GPR137C: variants seen among roughly 807,000 people sequenced by gnomAD.
The protein encoded by GPR137C is G protein-coupled receptor 137C.
In GPR137C, 27 loss-of-function variants were observed where a neutral mutation model predicts 43.4. The ratio of observed to expected loss-of-function variants is 0.62; its 90% CI spans 0.46 to 0.86. GPR137C has a LOEUF of 0.86. Ranked by LOEUF, GPR137C falls within the 40% of genes least tolerant of loss-of-function variation. The pLI is 0.00. For missense variants in GPR137C, 522 were observed against 534.6 expected, an observed-to-expected ratio of 0.98 and a Z score of 0.23; for synonymous variants, 285 against 226.9, an observed-to-expected ratio of 1.26 and a Z score of -2.30.
At chr14:52,618,129 A>T (rs2039120607) in intron 3 of GPR137C, among the ~76,000 whole-genome samples, 1 of 152,132 alleles carries the variant, frequency 6.6e-6, no homozygotes, top group Non-Finnish European at 1.5e-5. Flanking sequence ...GAAGAACAGG[A>T]TTCCCCTTTT....
At chr14:52,555,538 G>A (rs376190403) in intron 1 of GPR137C, among the ~76,000 whole-genome samples, 7 of 152,290 alleles carry the variant, frequency 4.6e-5, no homozygotes, top group African/African-American at 1.4e-4. Flanking sequence ...CTGAAGGTAT[G>A]CTTATATAGC....
chr14:52,588,735 G>A (rs568881652), intron 1 of GPR137C, among the ~76,000 whole-genome samples: 1 of 151,936 alleles, frequency 6.6e-6, no homozygotes, highest in Admixed American at 6.6e-5. Context: ...ATACTTTATT[G>A]GAATGATTGG....
chr14:52,572,633 C>T (rs936015526), intron 1 of GPR137C, among the ~76,000 whole-genome samples: 1 of 152,170 alleles, frequency 6.6e-6, no homozygotes, highest in African/African-American at 2.4e-5. Context: ...AAACCCACAG[C>T]CAATATCATA....
At chr14:52,623,755 ACTGT>A (rs1458754762) in intron 3 of GPR137C, among the ~76,000 whole-genome samples, 1 of 152,146 alleles carries the variant, frequency 6.6e-6, no homozygotes, top group African/African-American at 2.4e-5. Flanking sequence ...GAGTCAGAGA[ACTGT>A]CTATCACTTT....
At chr14:52,609,280 A>G (rs150047471) in intron 3 of GPR137C, among the ~76,000 whole-genome samples, 71 of 152,148 alleles carry the variant, frequency 4.7e-4, no homozygotes, top group Non-Finnish European at 9.0e-4. Flanking sequence ...TTCAATCTCT[A>G]TATTAAATTT....
At chr14:52,579,617 T>C (rs955748517) in intron 1 of GPR137C, among the ~76,000 whole-genome samples, 1 of 152,196 alleles carries the variant, frequency 6.6e-6, no homozygotes, top group African/African-American at 2.4e-5. Flanking sequence ...ATTGTTAAAC[T>C]CATGGTTACA....
At chr14:52,618,746 A>T (rs571910806) in intron 3 of GPR137C, among the ~76,000 whole-genome samples, 1 of 152,346 alleles carries the variant, frequency 6.6e-6, no homozygotes, top group South Asian at 2.1e-4. Flanking sequence ...AAGAACAGTT[A>T]TAAGAATATA....
Position 52,633,899 on chromosome 14 carries a change from T to C in GPR137C, c.1065T>C (p.Tyr355=), listed in dbSNP as rs1031227292. ...RAYFFDNPRR[Y]DSDDDLPRLG... ...ACTTTTTCGACAATCCAAGACGATA[T>C]GATAGTGATGATGACCTGCCAAGAC... is the stretch of plus-strand genomic sequence containing the variant. The change falls in exon 6 of 7, where the codon TAT becomes TAC. Residue 355 remains tyrosine, a synonymous_variant. Transcript: ENST00000321662. 6 of 1,612,250 alleles carry C rather than the reference T, an allele frequency of 3.7e-6. No homozygotes were observed. In the South Asian group the frequency reaches 4.4e-5, roughly 12 times the overall value.
intron 3 of GPR137C, among the ~76,000 whole-genome samples, chr14:52,622,677 GA>G (rs1231915877): frequency 6.6e-6 from 1 of 151,856 alleles, no homozygotes; most frequent in South Asian, 2.1e-4. Context: ...GGTGTTCTAT[GA>G]AAAAAAGTGG....
chr14:52,611,544 TA>T (rs2139550211), intron 3 of GPR137C: 5 of 383,720 alleles, frequency 1.3e-5, no homozygotes, highest in Non-Finnish European at 1.8e-5. Context: ...GTTATTTTTT[TA>T]ATTTTGGTAT....
chr14:52,610,608 T>C (rs1005238704), intron 3 of GPR137C, among the ~76,000 whole-genome samples: 1 of 152,254 alleles, frequency 6.6e-6, no homozygotes, highest in Non-Finnish European at 1.5e-5. Flanking sequence ...ATATCGGGTT[T>C]GGTACTATCC....
chr14:52,632,868 T>G (rs1049818863), intron 4 of GPR137C, among the ~76,000 whole-genome samples: 2 of 152,120 alleles, frequency 1.3e-5, no homozygotes, highest in Non-Finnish European at 2.9e-5. Context: ...TTCCTAGCAT[T>G]CCCATATGCT....
chr14:52,577,772 G>C (rs907367233), intron 1 of GPR137C, among the ~76,000 whole-genome samples: 1 of 147,186 alleles, frequency 6.8e-6, no homozygotes, highest in Non-Finnish European at 1.5e-5. Context: ...AGACCAGCCT[G>C]GGCAACATAG....
intron 2 of GPR137C, among the ~76,000 whole-genome samples, chr14:52,598,728 T>C (rs908608416): frequency 6.6e-6 from 1 of 152,184 alleles, no homozygotes; most frequent in African/African-American, 2.4e-5. Flanking sequence ...AGTCAGGAGA[T>C]TGGGGTTTCC....
chr14:52,584,944 A>G (rs757037860), intron 1 of GPR137C, among the ~76,000 whole-genome samples: 31 of 151,944 alleles, frequency 2.0e-4, no homozygotes, highest in Middle Eastern at 3.2e-3. Flanking sequence ...AAATCAGAAA[A>G]CCTTGCTAAT....
chr14:52,558,846 G>A (rs2038235031), intron 1 of GPR137C, among the ~76,000 whole-genome samples: 1 of 151,850 alleles, frequency 6.6e-6, no homozygotes, highest in South Asian at 2.1e-4. Context: ...GAAGATCTTA[G>A]GAAAAAAAAT....
In GPR137C at chr14:52,625,532, CTTTTTTTTTTTTTTTTTTTTTTTTTT is replaced by C. The variant is rs770278309; in HGVS notation, c.718-6613_718-6588del. Among the ~76,000 whole-genome samples the C allele has an allele frequency of 1.4e-4, 5 of 36,058 alleles. No homozygotes were observed. The East Asian group carries it at 3.2e-3, about 23-fold the overall frequency. The allele number at this position is 36,058 out of a possible 152,430, so 23.7% of individuals were successfully genotyped here. A position where few individuals can be genotyped will look rare whatever the true frequency, so the allele number is the denominator to read the frequency against. On this transcript the variant is annotated intron_variant, in intron 3 of 6. Coordinates refer to ENST00000321662, the MANE Select transcript of GPR137C (RefSeq NM_001099652.2). Reference sequence around the variant, plus strand: ...GAAAATAGAGGAGGGAAGAACACATCTTTTTTTTTTTTTTTTTTTTTTTTTTTTTTTTTTTTTTTTGAGACGGAGTC... The same window carrying C: ...GAAAATAGAGGAGGGAAGAACACATCTTTTTTTTTTTTTTGAGACGGAGTC...
intron 3 of GPR137C, chr14:52,612,397 C>CA (rs1288101773): frequency 2.0e-6 from 2 of 978,296 alleles, no homozygotes; most frequent in Admixed American, 6.2e-5. Flanking sequence ...AAGTGGTTTT[C>CA]AAAAAAGAAT....
In GPR137C at chr14:52,633,520, C is replaced by T; in HGVS notation, c.868-10C>T. ...AGATGTAAAAATTCTCTGCCATGCTCTATTTACAGGCTCATGTAGAAGACA... is the reference window on the plus strand; with the variant it reads ...AGATGTAAAAATTCTCTGCCATGCTTTATTTACAGGCTCATGTAGAAGACA... On this transcript the variant is annotated splice_polypyrimidine_tract_variant and intron_variant, in intron 4 of 6. Transcript: ENST00000321662. 1 of 1,609,762 alleles carries T rather than the reference C, an allele frequency of 6.2e-7. No individual in the cohort carries two copies. The highest frequency in any genetic ancestry group is 8.5e-7 in the Non-Finnish European group (1 of 1,177,188).
Sources: gnomAD v4.1 joint callset for allele counts (sites outside exome capture counted in the v4.1 genomes callset) on GRCh38, gnomAD v4.1.1 for gene constraint, MANE v1.5 for transcripts, NCBI Gene and HGNC (gene_info 2026-07-23, HGNC 2026-07-21) for gene names.